The following SUDS3 variants were observed in gnomAD, a reference collection of about 807,000 sequenced individuals.
SUDS3 encodes sin3 histone deacetylase corepressor complex component SDS3.
SUDS3 carries 23 observed loss-of-function variants against 53.5 expected under a neutral mutation model. That is an observed-to-expected ratio of 0.43 (90% CI 0.31 to 0.61). The LOEUF (loss-of-function observed/expected upper bound fraction) is 0.61. SUDS3 is among the 20% of genes least tolerant of loss of function. SUDS3 has a pLI of 0.10. For missense variants in SUDS3, 291 were observed against 405.9 expected (o/e 0.72, Z 2.43); for synonymous variants, 150 against 148.5 (o/e 1.01, Z -0.08).
At chr12:118,392,879 G>A (rs2046180476) in intron 6 of SUDS3, among the ~76,000 whole-genome samples, 1 of 152,206 alleles carries the variant, frequency 6.6e-6, no homozygotes, top group Non-Finnish European at 1.5e-5. Flanking sequence ...GACATTGTTT[G>A]GCCAGGCAGT....
chr12:118,384,208 C>T, intron 3 of SUDS3, 141 bp downstream of exon 3: 1 of 770,180 alleles, frequency 1.3e-6, no homozygotes, highest in East Asian at 2.7e-5. Context: ...ATTTTGCTAT[C>T]TTTTGCTGTC....
intron 4 of SUDS3, among the ~76,000 whole-genome samples, chr12:118,386,900 C>T (rs188603415): frequency 3.3e-5 from 5 of 152,142 alleles, no homozygotes; most frequent in Non-Finnish European, 4.4e-5. Flanking sequence ...TACAGGAAAT[C>T]GCGTGTATGT....
At chr12:118,403,351 A>C in intron 9 of SUDS3, 61 bp from the exon 10 acceptor site, 1 of 1,278,124 alleles carries the variant, frequency 7.8e-7, no homozygotes, top group Non-Finnish European at 1.1e-6. Flanking sequence ...AAAGCATGTT[A>C]ACTGGTAGAC....
intron 5 of SUDS3, 30 bp from the exon 6 acceptor site, chr12:118,391,080 GCTCCCAGGGCTGTGTA>G: frequency 6.2e-7 from 1 of 1,606,566 alleles, no homozygotes; most frequent in Non-Finnish European, 8.5e-7. Context: ...TGGAGCCCTG[GCTCCCAGGGCTGTGTA>G]CTCCCAGCCC....
At chr12:118,376,985 C>T (rs934816846) in intron 1 of SUDS3, among the ~76,000 whole-genome samples, 152 bp downstream of exon 1, 8 of 152,122 alleles carry the variant, frequency 5.3e-5, no homozygotes, top group African/African-American at 1.9e-4. Context: ...GAAGTTACCC[C>T]CATCCGTGCT....
intron 10 of SUDS3, chr12:118,404,552 T>C (rs1481957837): frequency 6.6e-6 from 1 of 152,270 alleles, no homozygotes; most frequent in Non-Finnish European, 1.5e-5. Context: ...TGTTCTGTAT[T>C]ACGCTTTCTG....
chr12:118,378,149 T>C (rs2046019425), intron 1 of SUDS3, among the ~76,000 whole-genome samples: 1 of 152,236 alleles, frequency 6.6e-6, no homozygotes, highest in Non-Finnish European at 1.5e-5. Context: ...TAAAATTTTG[T>C]ACACACCCCA....
chr12:118,384,170 G>A (rs1226208742), intron 3 of SUDS3, 103 bp downstream of exon 3: 12 of 1,197,706 alleles, frequency 1.0e-5, no homozygotes, highest in Middle Eastern at 4.9e-4. Flanking sequence ...TTTAAAACAC[G>A]GTCTGGCTGA....
chr12:118,385,117 T>C (rs2046103287), intron 3 of SUDS3, among the ~76,000 whole-genome samples: 1 of 151,942 alleles, frequency 6.6e-6, no homozygotes, highest in Admixed American at 6.6e-5. Context: ...CTTTTCTTTT[T>C]TTTTTTTTCG....
intron 6 of SUDS3, among the ~76,000 whole-genome samples, chr12:118,398,882 G>A (rs983412289): frequency 3.9e-5 from 6 of 152,144 alleles, no homozygotes; most frequent in Admixed American, 2.6e-4. Flanking sequence ...CCTGTACACC[G>A]TGGCACTTGG....
intron 3 of SUDS3, 116 bp downstream of exon 3, chr12:118,384,183 T>A (rs1293330755): frequency 5.8e-6 from 6 of 1,032,600 alleles, no homozygotes; most frequent in Non-Finnish European, 8.7e-6. Context: ...CTGGCTGATC[T>A]TAGCTATCCA....
intron 1 of SUDS3, among the ~76,000 whole-genome samples, chr12:118,379,528 T>G (rs2046034420): frequency 6.6e-6 from 1 of 152,154 alleles, no homozygotes; most frequent in Admixed American, 6.5e-5. Context: ...AGGATTTTGG[T>G]ATCCACGGGA....
intron 3 of SUDS3, among the ~76,000 whole-genome samples, chr12:118,384,315 A>C (rs1049114565): frequency 1.3e-5 from 2 of 152,342 alleles, no homozygotes; most frequent in South Asian, 4.1e-4. Context: ...TGGGACTTTC[A>C]ATGGAGCACG....
intron 10 of SUDS3, among the ~76,000 whole-genome samples, chr12:118,408,679 T>C (rs547185): frequency 0.016 from 2,396 of 151,976 alleles, 26 homozygotes; most frequent in Non-Finnish European, 0.026. Flanking sequence ...ATAGTTGACA[T>C]AGTTTTTTTT....
chr12:118,401,421 G>A (rs375780878), intron 7 of SUDS3, among the ~76,000 whole-genome samples: 19 of 152,344 alleles, frequency 1.2e-4, no homozygotes, highest in Middle Eastern at 6.8e-3. Context: ...CCTTGGGTGA[G>A]TGTGTGTGGA....
intron 11 of SUDS3, among the ~76,000 whole-genome samples, chr12:118,412,036 A>G (rs1257413120): frequency 6.6e-6 from 1 of 152,116 alleles, no homozygotes; most frequent in African/African-American, 2.4e-5. Context: ...CCTAGCTGAG[A>G]TGTCCTATTG....
In SUDS3 at chr12:118,397,812, G is replaced by A. The variant is rs149762708; in HGVS notation, c.518-2847G>A. On this transcript the variant is annotated intron_variant, in intron 6 of 11. Coordinates refer to ENST00000543473, the MANE Select transcript of SUDS3 (RefSeq NM_022491.3). ...TTATGATTTTCAGAGTTCAGTGGCCGTGATTGGCCTTTACTTGGCTTACAT... is the reference window on the plus strand; with the variant it reads ...TTATGATTTTCAGAGTTCAGTGGCCATGATTGGCCTTTACTTGGCTTACAT... Among the ~76,000 whole-genome samples the A allele has an allele frequency of 8.2e-4, 125 of 152,012 alleles. 1 individual carries two copies. The East Asian group carries it at 0.017, about 21-fold the overall frequency.
intron 9 of SUDS3, among the ~76,000 whole-genome samples, chr12:118,402,936 T>C (rs2046276560): frequency 6.6e-6 from 1 of 152,114 alleles, no homozygotes; most frequent in African/African-American, 2.4e-5. Flanking sequence ...AACTTTTGTA[T>C]TTTTACTAGA....
chr12:118,378,886 G>C (rs984156693), intron 1 of SUDS3, among the ~76,000 whole-genome samples: 22 of 151,980 alleles, frequency 1.4e-4, no homozygotes, highest in African/African-American at 5.3e-4. Flanking sequence ...TGCTGGTCAG[G>C]CTGGTCTCGA....
Sources: allele counts gnomAD v4.1 joint callset (sites outside exome capture counted in the v4.1 genomes callset), GRCh38; gene constraint gnomAD v4.1.1; transcripts MANE v1.5; gene names NCBI Gene and HGNC (gene_info 2026-07-23, HGNC 2026-07-21).